The following FAT4 variants were observed in gnomAD, a reference collection of about 807,000 sequenced individuals.
The protein encoded by FAT4 is protocadherin Fat 4.
In FAT4, 84 loss-of-function variants were observed where a neutral mutation model predicts 303.9. The ratio of observed to expected loss-of-function variants is 0.28; its 90% CI spans 0.23 to 0.33. The LOEUF (loss-of-function observed/expected upper bound fraction) is 0.33, where lower values mean the gene tolerates loss of function less well. Among genes scored for constraint, FAT4 ranks in the 10% least tolerant of loss-of-function variants. The pLI, the probability that FAT4 is intolerant of heterozygous loss-of-function variation, is 1.00. For missense variants in FAT4, 6,005 were observed against 6,146.8 expected (o/e 0.98, Z 0.77); for synonymous variants, 2,307 against 2,298.8 (o/e 1.00, Z -0.10).
chr4:125,330,308 A>G (rs1578528244), intron 2 of FAT4, among the ~76,000 whole-genome samples: 1 of 152,184 alleles, frequency 6.6e-6, no homozygotes, highest in East Asian at 1.9e-4. Context: ...CCTGATTTCC[A>G]TTGCCTTGCG....
In FAT4 at chr4:125,490,420, A is replaced by T; in HGVS notation, c.13604A>T (p.Lys4535Met). The change falls in exon 18 of 18, where the codon AAG (lysine) becomes ATG (methionine). Residue 4535 changes from lysine (K) to methionine (M), a missense_variant. Transcript: ENST00000394329. Reference protein sequence around the residue: ...LILCNQCRGKKAKNPKEEKKP... With the variant: ...LILCNQCRGKMAKNPKEEKKP... Reference sequence around the variant, plus strand: ...CTGTGTAACCAGTGCAGGGGGAAGAAGGCCAAAAATCCCAAAGAGGAGAAG... The same window carrying T: ...CTGTGTAACCAGTGCAGGGGGAAGATGGCCAAAAATCCCAAAGAGGAGAAG... 6.2e-7 allele frequency: 1 copy of T among 1,614,140 alleles called. No homozygotes were observed. Among genetic ancestry groups the T allele is most frequent in the Non-Finnish European group, 8.5e-7 (1 of 1,180,028 alleles).
At chr4:125,349,656 G>C (rs1178082948) in intron 2 of FAT4, among the ~76,000 whole-genome samples, 6 of 151,544 alleles carry the variant, frequency 4.0e-5, no homozygotes, top group Non-Finnish European at 7.4e-5. Context: ...CAATATATAT[G>C]CCCACTTTTA....
At position 125,399,555 on chromosome 4, in the gene FAT4, C is replaced by A. The variant is rs920015136; in HGVS notation, c.5307+640C>A. On this transcript the variant is annotated intron_variant, in intron 3 of 17. Coordinates refer to ENST00000394329, the MANE Select transcript of FAT4 (RefSeq NM_001291303.3). ...CTTTCCCCTTAAGCCAAGCCGAACACAGAACAGAGAATTTAATTTTCTTCC... is the reference window on the plus strand; with the variant it reads ...CTTTCCCCTTAAGCCAAGCCGAACAAAGAACAGAGAATTTAATTTTCTTCC... 2.6e-5 allele frequency among the ~76,000 whole-genome samples: 4 copies of A among 151,906 alleles called. No individual in the cohort carries two copies. In the East Asian group the frequency reaches 7.7e-4, roughly 29 times the overall value.
intron 2 of FAT4, among the ~76,000 whole-genome samples, chr4:125,335,713 T>G (rs773464695): frequency 2.4e-4 from 36 of 151,976 alleles, no homozygotes; most frequent in Non-Finnish European, 4.3e-4. Flanking sequence ...TGAGTACATC[T>G]GTTTTCTGCA....
intron 2 of FAT4, among the ~76,000 whole-genome samples, chr4:125,367,276 T>TTTTTCTACACACTGTACATA (rs1732921612): frequency 1.3e-5 from 2 of 152,166 alleles, no homozygotes; most frequent in Non-Finnish European, 2.9e-5. Context: ...GGAAATAGCA[T>TTTTTCTACACACTGTACATA]TTGCCAGACA....
At chr4:125,434,031 T>G (rs1425369297) in intron 7 of FAT4, among the ~76,000 whole-genome samples, 1 of 152,190 alleles carries the variant, frequency 6.6e-6, no homozygotes, top group Non-Finnish European at 1.5e-5. Flanking sequence ...ATACTTTTCG[T>G]GCAGAGTTAC....
At chr4:125,394,221 C>G (rs970856966) in intron 2 of FAT4, among the ~76,000 whole-genome samples, 1 of 152,166 alleles carries the variant, frequency 6.6e-6, no homozygotes, top group Non-Finnish European at 1.5e-5. Flanking sequence ...TTGTTCTGAA[C>G]TTCAATTACA....
intron 2 of FAT4, among the ~76,000 whole-genome samples, chr4:125,341,517 G>T (rs1240392003): frequency 6.6e-6 from 1 of 152,008 alleles, no homozygotes; most frequent in Non-Finnish European, 1.5e-5. Context: ...AATGATTAAT[G>T]AAAAATAGAA....
At chr4:125,454,916 T>C (rs924161696) in intron 10 of FAT4, among the ~76,000 whole-genome samples, 2 of 152,138 alleles carry the variant, frequency 1.3e-5, no homozygotes, top group African/African-American at 4.8e-5. Context: ...ATAATGGTAT[T>C]AGTATAGTGG....
intron 5 of FAT4, among the ~76,000 whole-genome samples, chr4:125,410,078 G>C (rs959843052): frequency 2.4e-4 from 37 of 152,108 alleles, no homozygotes; most frequent in Admixed American, 9.8e-4. Flanking sequence ...AACGATATGA[G>C]AAGCAAAAAG....
Position 125,415,812 on chromosome 4 carries a change from T to C in FAT4, c.6843+6T>C. ...TACCCAGAACAATTCTTCAGGTCAG[T>C]ATATTTAAATAAAGCAAGTATTGTC... On this transcript the variant is annotated splice_donor_region_variant and intron_variant, in intron 6 of 17. Transcript: ENST00000394329. 1.9e-6 allele frequency: 3 copies of C among 1,576,958 alleles called. No individual in the cohort carries two copies. Among genetic ancestry groups the C allele is most frequent in the Non-Finnish European group, 2.6e-6 (3 of 1,158,792 alleles).
At chr4:125,344,359 G>A (rs754217775) in intron 2 of FAT4, among the ~76,000 whole-genome samples, 4 of 152,078 alleles carry the variant, frequency 2.6e-5, no homozygotes, top group Non-Finnish European at 2.9e-5. Flanking sequence ...TAGTCTAGGA[G>A]GCCTGGTGTT....
chr4:125,438,806 G>GCAACAA (rs1725546581), intron 8 of FAT4, among the ~76,000 whole-genome samples: 1 of 152,016 alleles, frequency 6.6e-6, no homozygotes, highest in African/African-American at 2.4e-5. Context: ...GCTATTCATG[G>GCAACAA]TATCCTGAAG....
At chr4:125,351,863 T>A (rs73845985) in intron 2 of FAT4, among the ~76,000 whole-genome samples, 1,803 of 151,724 alleles carry the variant, frequency 0.012, 32 homozygotes, top group African/African-American at 0.035. Flanking sequence ...ATTTTCCCAT[T>A]TATTACTAAA....
At chr4:125,350,859 A>G (rs951298750) in intron 2 of FAT4, among the ~76,000 whole-genome samples, 5 of 151,774 alleles carry the variant, frequency 3.3e-5, no homozygotes, top group Admixed American at 6.6e-5. Flanking sequence ...ATCTTCCCCA[A>G]TCAGACAGTC....
intron 13 of FAT4, among the ~76,000 whole-genome samples, chr4:125,476,605 AATT>A (rs1727039391): frequency 1.3e-5 from 2 of 152,180 alleles, no homozygotes; most frequent in East Asian, 1.9e-4. Flanking sequence ...TTTACGTGAA[AATT>A]ATTAACAGAT....
intron 2 of FAT4, among the ~76,000 whole-genome samples, chr4:125,377,727 A>G (rs907219424): frequency 6.6e-6 from 1 of 152,156 alleles, no homozygotes; most frequent in African/African-American, 2.4e-5. Flanking sequence ...GTTCTAATAA[A>G]TAATAAACAG....
At position 125,321,431 on chromosome 4, in the gene FAT4, G is replaced by GA. The variant is rs769625100; in HGVS notation, c.5026dup (p.Thr1676AsnfsTer60). The GA allele has an allele frequency of 1.2e-6, 2 of 1,614,132 alleles. No individual in the cohort carries two copies. The highest frequency in any genetic ancestry group is 1.3e-5 in the African/African-American group (1 of 75,042). On this transcript the variant is annotated frameshift_variant, in exon 2 of 18. Coordinates refer to ENST00000394329, the MANE Select transcript of FAT4 (RefSeq NM_001291303.3). LOFTEE classifies it high-confidence loss of function. ...TTATATTGTTTCAGTTCGTTGTGAA[G>GA]AAAAAACTGTTGGACGCCTCTTTAC...
At chr4:125,446,241 G>A (rs1001626718) in intron 8 of FAT4, 52 bp from the exon 9 acceptor site, 23 of 1,461,270 alleles carry the variant, frequency 1.6e-5, no homozygotes, top group Non-Finnish European at 2.0e-5. Flanking sequence ...GTAAATAGAA[G>A]TTACGATATT....
Sources: gnomAD v4.1 joint callset for allele counts (sites outside exome capture counted in the v4.1 genomes callset) on GRCh38, gnomAD v4.1.1 for gene constraint, MANE v1.5 for transcripts, NCBI Gene and HGNC (gene_info 2026-07-23, HGNC 2026-07-21) for gene names.